RIMS2: variants seen among roughly 807,000 people sequenced by gnomAD.
RIMS2 encodes the protein regulating synaptic membrane exocytosis 2.
A neutral mutation model predicts 174.4 loss-of-function variants in RIMS2; 59 were observed. That is an observed-to-expected ratio of 0.34 (90% CI 0.27 to 0.42). The LOEUF (loss-of-function observed/expected upper bound fraction) is 0.42, where lower values mean the gene tolerates loss of function less well. Ranked by LOEUF, RIMS2 falls within the 10% of genes least tolerant of loss-of-function variation. The pLI is 1.00. For synonymous variants in RIMS2, 606 were observed against 572.5 expected (o/e 1.06, Z -0.84); for missense variants, 1,620 against 1,666.3 (o/e 0.97, Z 0.48).
At chr8:103,719,135 C>T (rs148911160) in intron 2 of RIMS2, among the ~76,000 whole-genome samples, 1 of 152,258 alleles carries the variant, frequency 6.6e-6, no homozygotes, top group East Asian at 1.9e-4. Flanking sequence ...GTAGCTGGCA[C>T]AACCTTTTAG....
chr8:103,560,830 G>A (rs1587772751), intron 1 of RIMS2, among the ~76,000 whole-genome samples: 1 of 152,174 alleles, frequency 6.6e-6, no homozygotes, highest in Admixed American at 6.5e-5. Flanking sequence ...TTGAGGTTGT[G>A]TTAATAAATA....
chr8:103,649,953 G>A (rs1483928326), intron 1 of RIMS2, among the ~76,000 whole-genome samples: 3 of 152,140 alleles, frequency 2.0e-5, no homozygotes, highest in Admixed American at 1.3e-4. Context: ...AGCCCAGTTT[G>A]TGCCCTTACT....
At chr8:103,834,336 T>TTC (rs1044201545) in intron 3 of RIMS2, among the ~76,000 whole-genome samples, 12 of 147,856 alleles carry the variant, frequency 8.1e-5, no homozygotes, top group East Asian at 2.0e-4. Flanking sequence ...CTTTTTCTTT[T>TTC]TTTTTTTTTT....
intron 1 of RIMS2, among the ~76,000 whole-genome samples, chr8:103,598,186 C>G (rs17233499): frequency 0.065 from 9,932 of 152,130 alleles, 400 homozygotes; most frequent in South Asian, 0.087. Flanking sequence ...CCCGTAGAAA[C>G]CTTTAAATTC....
At chr8:103,847,828 G>C (rs1327442704) in intron 3 of RIMS2, among the ~76,000 whole-genome samples, 3 of 152,052 alleles carry the variant, frequency 2.0e-5, no homozygotes, top group Admixed American at 2.0e-4. Context: ...AGAATATGCT[G>C]TTGGGCACAT....
At chr8:103,639,516 C>T (rs1444636105) in intron 1 of RIMS2, among the ~76,000 whole-genome samples, 1 of 151,838 alleles carries the variant, frequency 6.6e-6, no homozygotes, top group Non-Finnish European at 1.5e-5. Flanking sequence ...TTTGCCTTTC[C>T]CAGAATGTCA....
At chr8:103,579,576 T>C (rs149700806) in intron 1 of RIMS2, among the ~76,000 whole-genome samples, 2 of 152,278 alleles carry the variant, frequency 1.3e-5, no homozygotes, top group African/African-American at 4.8e-5. Flanking sequence ...ATTTAAAGTG[T>C]AGAGTTTTTT....
intron 4 of RIMS2, among the ~76,000 whole-genome samples, chr8:103,903,291 A>G (rs1039385168): frequency 4.6e-5 from 7 of 152,120 alleles, no homozygotes; most frequent in African/African-American, 1.7e-4. Context: ...TCTAGCTTCA[A>G]CTATAAAACT....
chr8:103,933,988 C>T (rs1199420783), intron 12 of RIMS2, among the ~76,000 whole-genome samples: 1 of 151,780 alleles, frequency 6.6e-6, no homozygotes, highest in East Asian at 1.9e-4. Context: ...TTCAGTTAAG[C>T]CATGTGAAAA....
chr8:103,508,091 T>A (rs1824562980), intron 1 of RIMS2, among the ~76,000 whole-genome samples: 1 of 152,176 alleles, frequency 6.6e-6, no homozygotes. Flanking sequence ...TAGTTTTTCC[T>A]GTTAAAATAT....
chr8:103,921,497 G>T (rs6468896), intron 9 of RIMS2, among the ~76,000 whole-genome samples, 175 bp from the exon 13 acceptor site: 102,133 of 151,620 alleles, frequency 0.67, 35,177 homozygotes, highest in African/African-American at 0.72. Context: ...AGTGCCCTTT[G>T]GCTTCCAAAA....
At chr8:103,872,319 C>G (rs779662970) in intron 3 of RIMS2, among the ~76,000 whole-genome samples, 1 of 152,130 alleles carries the variant, frequency 6.6e-6, no homozygotes, top group Non-Finnish European at 1.5e-5. Context: ...TTTTTTGTTC[C>G]TAGACCACTT....
chr8:103,601,000 A>G lies in RIMS2; in HGVS notation c.177-96086A>G, dbSNP rs543125687. Reference sequence around the variant, plus strand: ...TTTTATAAGCCTGTTTGTCATTTGTATGTCTTCTTTTGAGAAATGTCTATT... The same window carrying G: ...TTTTATAAGCCTGTTTGTCATTTGTGTGTCTTCTTTTGAGAAATGTCTATT... On this transcript the variant is annotated intron_variant, in intron 1 of 23. Coordinates refer to ENST00000504942, the Ensembl canonical transcript of RIMS2. 2.0e-5 allele frequency among the ~76,000 whole-genome samples: 3 copies of G among 152,194 alleles called. No individual in the cohort carries two copies. The East Asian group carries it at 5.8e-4, about 29-fold the overall frequency.
At chr8:104,234,010 T>C (rs1391713282) in intron 19 of RIMS2, among the ~76,000 whole-genome samples, 2 of 152,318 alleles carry the variant, frequency 1.3e-5, no homozygotes, top group African/African-American at 2.4e-5. Flanking sequence ...AGGCCTGTTA[T>C]TTATGCATAG....
intron 2 of RIMS2, among the ~76,000 whole-genome samples, chr8:103,715,539 A>G (rs930153450): frequency 6.6e-6 from 1 of 152,178 alleles, no homozygotes; most frequent in Admixed American, 6.5e-5. Flanking sequence ...AATTATTGTA[A>G]GTTCTTGTAT....
intron 2 of RIMS2, among the ~76,000 whole-genome samples, chr8:103,745,184 C>T (rs1389241860): frequency 6.6e-6 from 1 of 152,190 alleles, no homozygotes. Context: ...TAGTCACTCC[C>T]TTACTTCCCT....
At chr8:103,597,969 T>A (rs142894638) in intron 1 of RIMS2, among the ~76,000 whole-genome samples, 1,773 of 152,318 alleles carry the variant, frequency 0.012, 33 homozygotes, top group African/African-American at 0.039. Flanking sequence ...TATGCATTTC[T>A]ATAAGTATAT....
At chr8:103,975,712 C>A (rs928269188) in intron 16 of RIMS2, 2 of 401,356 alleles carry the variant, frequency 5.0e-6, no homozygotes, top group South Asian at 5.3e-5. Context: ...AAGTGTGAGT[C>A]CATTTTGAAA....
At chr8:103,582,145 C>T (rs1275470058) in intron 1 of RIMS2, among the ~76,000 whole-genome samples, 1 of 152,052 alleles carries the variant, frequency 6.6e-6, no homozygotes, top group Non-Finnish European at 1.5e-5. Context: ...CTGTTCCAGG[C>T]CCTAGCTCCA....
Sources: allele counts gnomAD v4.1 joint callset (sites outside exome capture counted in the v4.1 genomes callset), GRCh38; gene constraint gnomAD v4.1.1; transcripts MANE v1.5; gene names NCBI Gene and HGNC (gene_info 2026-07-23, HGNC 2026-07-21).